KATNAL2: variants seen among roughly 807,000 people sequenced by gnomAD.
KATNAL2 encodes the protein katanin catalytic subunit A1 like 2, also known as katanin p60 ATPase-containing subunit A-like 2.
KATNAL2 carries 52 observed loss-of-function variants against 76.3 expected under a neutral mutation model. The observed-to-expected ratio is 0.68, with a 90% CI of 0.55 to 0.86. The LOEUF (loss-of-function observed/expected upper bound fraction) is 0.86, where lower values mean the gene tolerates loss of function less well. Among genes scored for constraint, KATNAL2 ranks in the 40% least tolerant of loss-of-function variants. KATNAL2 has a pLI of 0.00. For synonymous variants in KATNAL2, 243 were observed against 244.2 expected (o/e 1.00, Z 0.05); for missense variants, 660 against 668.9 (o/e 0.99, Z 0.15).
intron 4 of KATNAL2, among the ~76,000 whole-genome samples, chr18:47,051,746 G>T (rs1379602821): frequency 2.6e-5 from 4 of 152,134 alleles, no homozygotes; most frequent in Non-Finnish European, 5.9e-5. Flanking sequence ...CAAGGTCATT[G>T]AAAATAATCA....
At chr18:47,054,497 T>C in intron 6 of KATNAL2, 59 bp downstream of exon 6, 2 of 1,509,086 alleles carry the variant, frequency 1.3e-6, no homozygotes, top group Non-Finnish European at 1.8e-6. Flanking sequence ...TGGAATCCCT[T>C]TCCAGAAGCT....
At chr18:47,045,575 G>T (rs1249418015) in intron 3 of KATNAL2, among the ~76,000 whole-genome samples, 1 of 152,030 alleles carries the variant, frequency 6.6e-6, no homozygotes, top group Non-Finnish European at 1.5e-5. Flanking sequence ...CATCCGCCTT[G>T]GTCTCCCAGA....
chr18:47,037,928 T>G (rs1451999836), intron 3 of KATNAL2, among the ~76,000 whole-genome samples: 2 of 151,808 alleles, frequency 1.3e-5, no homozygotes, highest in Non-Finnish European at 2.9e-5. Flanking sequence ...CAAGTGATCC[T>G]CCCACCTTGG....
At chr18:46,933,370 GA>G (rs2058991414) in intron 1 of KATNAL2, among the ~76,000 whole-genome samples, 1 of 152,148 alleles carries the variant, frequency 6.6e-6, no homozygotes, top group Admixed American at 6.5e-5. Context: ...AAGAGAAAAA[GA>G]AATCTAAATC....
chr18:47,080,944 G>A (rs1318799791), intron 15 of KATNAL2, among the ~76,000 whole-genome samples: 1 of 151,740 alleles, frequency 6.6e-6, no homozygotes, highest in Non-Finnish European at 1.5e-5. Context: ...TTGGATATAT[G>A]ATTTGTAAAT....
chr18:46,937,517 AGT>A (rs2059127932), intron 1 of KATNAL2, among the ~76,000 whole-genome samples: 1 of 151,782 alleles, frequency 6.6e-6, no homozygotes, highest in Non-Finnish European at 1.5e-5. Flanking sequence ...TATGGGCTTT[AGT>A]TAATAATAAT....
chr18:46,962,004 T>C (rs190015618), intron 3 of KATNAL2, among the ~76,000 whole-genome samples: 52 of 152,316 alleles, frequency 3.4e-4, no homozygotes, highest in East Asian at 1.2e-3. Context: ...TTAACATTTT[T>C]CCTTTCTAAG....
chr18:46,927,553 AT>A (rs2058767479), intron 1 of KATNAL2, among the ~76,000 whole-genome samples: 1 of 151,950 alleles, frequency 6.6e-6, no homozygotes, highest in Non-Finnish European at 1.5e-5. Flanking sequence ...GAATCTGACA[AT>A]TATGTGTCTT....
chr18:47,048,908 C>T (rs944768904), intron 4 of KATNAL2, among the ~76,000 whole-genome samples: 4 of 141,782 alleles, frequency 2.8e-5, no homozygotes, highest in African/African-American at 1.1e-4. Context: ...GATCTCGGCT[C>T]ACTGCAAGCT....
chr18:47,040,927 A>G (rs2060941833), intron 3 of KATNAL2, among the ~76,000 whole-genome samples: 1 of 152,232 alleles, frequency 6.6e-6, no homozygotes, highest in African/African-American at 2.4e-5. Context: ...ATTTTATAAT[A>G]AGAGTTTCAG....
chr18:47,042,169 C>T (rs994204186), intron 3 of KATNAL2, among the ~76,000 whole-genome samples: 4 of 152,090 alleles, frequency 2.6e-5, no homozygotes, highest in Non-Finnish European at 5.9e-5. Flanking sequence ...TTTATGTCAT[C>T]TATTTTATAG....
chr18:47,042,788 A>G (rs747703882), intron 3 of KATNAL2, among the ~76,000 whole-genome samples: 8 of 152,172 alleles, frequency 5.3e-5, no homozygotes, highest in Non-Finnish European at 8.8e-5. Context: ...CCAGAGAAAA[A>G]ATAGTGAAAT....
At chr18:47,071,775 C>A (rs2062009565) in intron 13 of KATNAL2, among the ~76,000 whole-genome samples, 1 of 151,568 alleles carries the variant, frequency 6.6e-6, no homozygotes, top group Admixed American at 6.6e-5. Context: ...CCAGAAAAGT[C>A]AATTAACAAG....
At position 46,959,083 on chromosome 18, in the gene KATNAL2, A is replaced by G. The variant is rs185080752; in HGVS notation, c.51+12160A>G. Among the ~76,000 whole-genome samples, 523 of 152,378 alleles carry G rather than the reference A, an allele frequency of 3.4e-3. 1 individual carries two copies. Among genetic ancestry groups the G allele is most frequent in the Middle Eastern group, 0.01 (3 of 294 alleles). On this transcript the variant is annotated intron_variant, in intron 3 of 17. Transcript: ENST00000683218. ...TGGGCTCCTAAAAAAAGAGTAATTG[A>G]AAATTTAATTACATCAGTGCTTTTC...
intron 15 of KATNAL2, among the ~76,000 whole-genome samples, chr18:47,079,581 G>C (rs1369655102): frequency 6.6e-6 from 1 of 151,998 alleles, no homozygotes; most frequent in Non-Finnish European, 1.5e-5. Context: ...ATTTTTAATA[G>C]AGATGGGGTT....
chr18:47,068,909 G>A (rs372503152), intron 11 of KATNAL2, among the ~76,000 whole-genome samples: 3 of 152,152 alleles, frequency 2.0e-5, no homozygotes, highest in Admixed American at 1.3e-4. Context: ...TGGGGAAAAC[G>A]ATGTTATGCA....
chr18:47,086,343 C>T (rs2062771297), intron 15 of KATNAL2, among the ~76,000 whole-genome samples: 1 of 152,144 alleles, frequency 6.6e-6, no homozygotes, highest in African/African-American at 2.4e-5. Flanking sequence ...GAGTCTCGCT[C>T]TGTTCCCCAG....
rs1212602129 is a variant in KATNAL2 at position 47,102,010 on chromosome 18, T to A, written c.*1005T>A. Reference sequence around the variant, plus strand: ...CTTCTTTTCTCTTCCTTGCCTTGTCTTCATCATCCCTGCAGACAGACTCTT... The same window carrying A: ...CTTCTTTTCTCTTCCTTGCCTTGTCATCATCATCCCTGCAGACAGACTCTT... On this transcript the variant is annotated 3_prime_UTR_variant, in exon 18 of 18. Coordinates refer to ENST00000683218, the MANE Select transcript of KATNAL2 (RefSeq NM_001387690.1). 1 of 152,198 alleles carries A rather than the reference T, an allele frequency of 6.6e-6. No homozygotes were observed. The highest frequency in any genetic ancestry group is 1.9e-4 in the East Asian group (1 of 5,184). 9.4% of individuals were successfully genotyped at this position (152,198 alleles called of 1,614,324 possible). A position where few individuals can be genotyped will look rare whatever the true frequency, so the allele number is the denominator to read the frequency against.
intron 3 of KATNAL2, among the ~76,000 whole-genome samples, chr18:46,961,040 A>G (rs2059925104): frequency 6.6e-6 from 1 of 152,246 alleles, no homozygotes; most frequent in Admixed American, 6.5e-5. Flanking sequence ...TGGGGGACAT[A>G]ACTAAGGGCT....
Sources: gnomAD v4.1 joint callset for allele counts (sites outside exome capture counted in the v4.1 genomes callset) on GRCh38, gnomAD v4.1.1 for gene constraint, MANE v1.5 for transcripts, NCBI Gene and HGNC (gene_info 2026-07-23, HGNC 2026-07-21) for gene names.